The following OSBPL1A variants were observed in gnomAD, a reference collection of about 807,000 sequenced individuals.
The protein encoded by OSBPL1A is oxysterol-binding protein-related protein 1.
OSBPL1A carries 80 observed loss-of-function variants against 137.1 expected under a neutral mutation model. The ratio of observed to expected loss-of-function variants is 0.58; its 90% CI spans 0.49 to 0.70. The LOEUF (loss-of-function observed/expected upper bound fraction) is 0.70. OSBPL1A is among the 30% of genes least tolerant of loss of function. The pLI is 0.00. For missense variants in OSBPL1A, 970 were observed against 1,129.4 expected (o/e 0.86, Z 2.02); for synonymous variants, 365 against 389.7 (o/e 0.94, Z 0.75).
At chr18:24,164,014 GC>G (rs1567910406) in intron 27 of OSBPL1A, among the ~76,000 whole-genome samples, 1 of 152,132 alleles carries the variant, frequency 6.6e-6, no homozygotes, top group Non-Finnish European at 1.5e-5. Context: ...ACAGGTGTGA[GC>G]CACCGCACCT....
chr18:24,315,121 C>T (rs1474986911), intron 11 of OSBPL1A, among the ~76,000 whole-genome samples: 1 of 152,182 alleles, frequency 6.6e-6, no homozygotes, highest in Non-Finnish European at 1.5e-5. Flanking sequence ...GAGTCACGCT[C>T]TCTGGAGGAA....
chr18:24,342,303 C>T (rs930764059), intron 4 of OSBPL1A, among the ~76,000 whole-genome samples: 3 of 152,258 alleles, frequency 2.0e-5, no homozygotes, highest in Middle Eastern at 3.4e-3. Context: ...AATGTACATA[C>T]GTCCAGTATC....
chr18:24,335,669 T>C (rs149581481), intron 5 of OSBPL1A, among the ~76,000 whole-genome samples: 3 of 152,344 alleles, frequency 2.0e-5, no homozygotes, highest in African/African-American at 7.2e-5. Context: ...CAGGTCATCC[T>C]GACTAAAGTC....
chr18:24,305,348 G>A (rs1349245652), intron 13 of OSBPL1A, among the ~76,000 whole-genome samples: 3 of 152,038 alleles, frequency 2.0e-5, no homozygotes, highest in South Asian at 4.1e-4. Flanking sequence ...CTTGATCGAC[G>A]ATTTACTTGT....
chr18:24,241,781 T>C (rs996105371), intron 15 of OSBPL1A, among the ~76,000 whole-genome samples: 2 of 152,224 alleles, frequency 1.3e-5, no homozygotes, highest in African/African-American at 2.4e-5. Flanking sequence ...ACTGGGTATA[T>C]ACCCAAAGGA....
Position 24,180,334 on chromosome 18 carries a change from C to T in OSBPL1A, c.1813-499G>A, listed in dbSNP as rs146476168. On this transcript the variant is annotated intron_variant, in intron 19 of 27. Coordinates refer to ENST00000319481, the MANE Select transcript of OSBPL1A (RefSeq NM_080597.4). The stretch of plus-strand genomic sequence containing the variant: ...CACTATACTCTACCTCTAACTAGTC[C>T]ATCCATGTACAACATATACAATCTT... Among the ~76,000 whole-genome samples, 494 of 152,198 alleles carry T rather than the reference C, an allele frequency of 3.2e-3. 4 individuals are homozygous for T. The highest frequency in any genetic ancestry group is 0.017 in the Middle Eastern group (5 of 294).
At chr18:24,380,140 C>G (rs970007955) in intron 1 of OSBPL1A, among the ~76,000 whole-genome samples, 1 of 152,196 alleles carries the variant, frequency 6.6e-6, no homozygotes, top group Non-Finnish European at 1.5e-5. Context: ...ATCCCCAATT[C>G]TATAACCAGC....
chr18:24,237,731 C>G (rs888653903), intron 16 of OSBPL1A, among the ~76,000 whole-genome samples: 1 of 152,120 alleles, frequency 6.6e-6, no homozygotes, highest in Non-Finnish European at 1.5e-5. Flanking sequence ...TTGGATGCTC[C>G]CCATAGAAGA....
intron 24 of OSBPL1A, among the ~76,000 whole-genome samples, chr18:24,167,735 T>G (rs1014951166): frequency 6.6e-6 from 1 of 152,242 alleles, no homozygotes; most frequent in Admixed American, 6.5e-5. Context: ...GTAAGTACAC[T>G]GTATGAGGTT....
intron 13 of OSBPL1A, among the ~76,000 whole-genome samples, chr18:24,305,105 CT>C (rs1461903520): frequency 6.6e-6 from 1 of 152,128 alleles, no homozygotes; most frequent in Non-Finnish European, 1.5e-5. Context: ...TAATACTCTG[CT>C]TATGTGCAAG....
Position 24,271,983 on chromosome 18 carries a change from G to C in OSBPL1A, c.1281+8859C>G. 2 of 981,774 alleles carry C rather than the reference G, an allele frequency of 2.0e-6. No individual in the cohort carries two copies. Among genetic ancestry groups the C allele is most frequent in the Non-Finnish European group, 2.4e-6 (2 of 828,654 alleles). The allele number at this position is 981,774 out of a possible 1,614,324, so 60.8% of individuals were successfully genotyped here. A position where few individuals can be genotyped will look rare whatever the true frequency, so the allele number is the denominator to read the frequency against. ...CTCCGGGGCTCGCGGGGAGAGCGCG[G>C]GCGGGCGGCGGCAAGGCCTGCGGCG... On this transcript the variant is annotated intron_variant, in intron 15 of 27. Transcript: ENST00000319481. The surrounding 1 kb of genome is among the most constrained non-coding windows in gnomAD (Gnocchi z 4.0).
At chr18:24,364,466 A>G (rs973078476) in intron 4 of OSBPL1A, among the ~76,000 whole-genome samples, 1 of 152,164 alleles carries the variant, frequency 6.6e-6, no homozygotes, top group Non-Finnish European at 1.5e-5. Flanking sequence ...CTAAAATACT[A>G]TGCTGAAAGC....
At chr18:24,214,621 G>T (rs184341996) in intron 17 of OSBPL1A, among the ~76,000 whole-genome samples, 1 of 152,330 alleles carries the variant, frequency 6.6e-6, no homozygotes, top group Non-Finnish European at 1.5e-5. Flanking sequence ...TTCTCTACTA[G>T]AATGTAGGTT....
In OSBPL1A at chr18:24,170,435, G is replaced by A. The variant is rs769895944; in HGVS notation, c.2310C>T (p.Ala770=). The change falls in exon 24 of 28, where the codon GCC becomes GCT. Residue 770 remains alanine (A), a synonymous_variant. Coordinates refer to ENST00000319481, the MANE Select transcript of OSBPL1A (RefSeq NM_080597.4). ...IQDKSKKKLC[A]LYGKWTECLY... ...AACATTCAGTCCACTTCCCATAGAG[G>A]GCACAGAGCTTCTTTTTGCTGTCAA... is the stretch of plus-strand genomic sequence containing the variant. 1.9e-6 allele frequency: 3 copies of A among 1,613,972 alleles called. No individual in the cohort carries two copies. The highest frequency in any genetic ancestry group is 2.5e-6 in the Non-Finnish European group (3 of 1,179,986).
intron 16 of OSBPL1A, among the ~76,000 whole-genome samples, chr18:24,237,525 G>A (rs189620100): frequency 9.2e-5 from 14 of 152,216 alleles, no homozygotes; most frequent in Admixed American, 7.2e-4. Flanking sequence ...GGCTGGTCTC[G>A]AACTTCTGGG....
chr18:24,174,572 A>G (rs2086374150), intron 21 of OSBPL1A, among the ~76,000 whole-genome samples: 1 of 152,168 alleles, frequency 6.6e-6, no homozygotes, highest in African/African-American at 2.4e-5. Flanking sequence ...ATTTTAAAAA[A>G]CGGATACTCA....
chr18:24,355,985 C>CAA (rs200338021), intron 4 of OSBPL1A, among the ~76,000 whole-genome samples: 1,511 of 97,376 alleles, frequency 0.016, 13 homozygotes, highest in Non-Finnish European at 0.019. Context: ...ACTCTTGTCT[C>CAA]AAAAAAAAAA....
chr18:24,321,800 T>C lies in OSBPL1A; in HGVS notation c.626-2991A>G. 4 of 451,304 alleles carry C rather than the reference T, an allele frequency of 8.9e-6. 1 individual carries two copies. Among genetic ancestry groups the C allele is most frequent in the South Asian group, 6.6e-5 (4 of 60,970 alleles). 28.0% of individuals were successfully genotyped at this position (451,304 alleles called of 1,614,324 possible). On this transcript the variant is annotated intron_variant, in intron 7 of 27. Transcript: ENST00000319481. ...AGATGGCATGATATCTGGAATTGTT[T>C]CACAAGAATTCAGGGAGTAGGAAGA...
In OSBPL1A at chr18:24,271,503, C is replaced by G. The variant is rs1407548354; in HGVS notation, c.1281+9339G>C. 1 of 956,528 alleles carries G rather than the reference C, an allele frequency of 1.0e-6. No individual in the cohort carries two copies. Among genetic ancestry groups the G allele is most frequent in the Non-Finnish European group, 1.2e-6 (1 of 803,630 alleles). 59.3% of individuals were successfully genotyped at this position (956,528 alleles called of 1,614,324 possible). ...CTCTGCACACACACGTCCAACTATT[C>G]TTGGATCTACTCACATCCCTGGATC... On this transcript the variant is annotated intron_variant, in intron 15 of 27. Transcript: ENST00000319481. The surrounding 1 kb of genome is among the most constrained non-coding windows in gnomAD (Gnocchi z 4.0).
Sources: gnomAD v4.1 joint callset for allele counts (sites outside exome capture counted in the v4.1 genomes callset) on GRCh38, gnomAD v4.1.1 for gene constraint, Gnocchi (gnomAD v3.1) non-coding constraint, MANE v1.5 for transcripts, NCBI Gene and HGNC (gene_info 2026-07-23, HGNC 2026-07-21) for gene names.